Variants in SHLD2 observed in about 807,000 individuals in gnomAD.
The protein encoded by SHLD2 is RINN1-REV7-interacting novel NHEJ regulator 2.
Under a neutral mutation model 73.2 loss-of-function variants are expected in SHLD2, and 30 were observed. The ratio of observed to expected loss-of-function variants is 0.41; its 90% CI spans 0.31 to 0.56. SHLD2 has a LOEUF of 0.56. SHLD2 is among the 20% of genes least tolerant of loss of function. The pLI is 0.28. For missense variants in SHLD2, 745 were observed against 1,055.9 expected (o/e 0.71, Z 4.08); for synonymous variants, 285 against 370.1 (o/e 0.77, Z 2.64).
At chr10:87,182,265 A>C (rs1404797490) in intron 8 of SHLD2, among the ~76,000 whole-genome samples, 1 of 152,212 alleles carries the variant, frequency 6.6e-6, no homozygotes, top group Non-Finnish European at 1.5e-5. Context: ...TTAGGAATCC[A>C]CGTATGTTCA....
chr10:87,190,358 C>T (rs960167395), intron 9 of SHLD2, 126 bp from the exon 10 acceptor site: 38 of 846,560 alleles, frequency 4.5e-5, no homozygotes, highest in African/African-American at 1.5e-4. Context: ...CGCTACTGGA[C>T]GGGAGGAGAA....
At chr10:87,148,981 G>C (rs573806851) in intron 2 of SHLD2, among the ~76,000 whole-genome samples, 1 of 150,560 alleles carries the variant, frequency 6.6e-6, no homozygotes, top group Non-Finnish European at 1.5e-5. Context: ...GCAACCTCCC[G>C]GGTTCAAGCG....
intron 2 of SHLD2, chr10:87,115,638 G>A (rs1171000993): frequency 6.6e-6 from 1 of 152,162 alleles, no homozygotes; most frequent in Admixed American, 6.6e-5. Flanking sequence ...ATATGAGGAA[G>A]TGGAGTGCAC....
At chr10:87,150,273 C>G (rs1159529596) in intron 2 of SHLD2, among the ~76,000 whole-genome samples, 1 of 151,580 alleles carries the variant, frequency 6.6e-6, no homozygotes, top group Non-Finnish European at 1.5e-5. Context: ...CCATCTTGGC[C>G]TGGCTGGTCT....
chr10:87,178,213 G>A (rs1209942706), intron 7 of SHLD2, among the ~76,000 whole-genome samples: 16 of 117,158 alleles, frequency 1.4e-4, no homozygotes, highest in African/African-American at 5.1e-4. Context: ...TGCAGACTGG[G>A]TAACAGAGCA....
chr10:87,180,866 T>C (rs1329440544), intron 8 of SHLD2, among the ~76,000 whole-genome samples: 9 of 152,214 alleles, frequency 5.9e-5, no homozygotes. Context: ...AAAATAGCAC[T>C]CAGTGTTTTA....
Position 87,190,597 on chromosome 10 carries a change from G to A in SHLD2, c.2629G>A (p.Glu877Lys). ...GATTCAGAGCCTTTTTGTGTTAGAT[G>A]AAAACAGCTATCCATTACAACAAGA... is the stretch of plus-strand genomic sequence containing the variant. ...LKIQSLFVLD[E>K]NSYPLQQDFS... The change falls in exon 10 of 10, where the codon GAA becomes AAA. Residue 877 changes from glutamate (E) to lysine (K), a missense_variant. Glu to Lys is a moderately conservative substitution (Grantham distance 56, BLOSUM62 1). Coordinates refer to ENST00000298786, the MANE Select transcript of SHLD2 (RefSeq NM_001330112.2). 6.2e-7 allele frequency: 1 copy of A among 1,611,872 alleles called. No homozygotes were observed. The highest frequency in any genetic ancestry group is 8.5e-7 in the Non-Finnish European group (1 of 1,179,784).
At chr10:87,102,798 G>T (rs984163776) in intron 2 of SHLD2, among the ~76,000 whole-genome samples, 3 of 152,134 alleles carry the variant, frequency 2.0e-5, no homozygotes, top group African/African-American at 7.2e-5. Context: ...CGATTCTCCT[G>T]CCTTGGCCTC....
Position 87,099,345 on chromosome 10 carries a change from A to G in SHLD2, c.-6+2356A>G, listed in dbSNP as rs374488695. Among the ~76,000 whole-genome samples, 5 of 152,360 alleles carry G rather than the reference A, an allele frequency of 3.3e-5. No individual in the cohort carries two copies. The East Asian group carries it at 9.6e-4, about 29-fold the overall frequency. ...TCATTTTTAAAAATAATTTAATTTG[A>G]AAGGTAAAAATATACTTTCTACTTT... is the stretch of plus-strand genomic sequence containing the variant. On this transcript the variant is annotated intron_variant, in intron 2 of 9. Coordinates refer to ENST00000298786, the MANE Select transcript of SHLD2 (RefSeq NM_001330112.2).
intron 2 of SHLD2, among the ~76,000 whole-genome samples, chr10:87,133,509 C>CA (rs1416920587): frequency 1.3e-5 from 2 of 151,788 alleles, no homozygotes; most frequent in Non-Finnish European, 2.9e-5. Context: ...GGGTCATTTT[C>CA]AAAAAAAGAT....
intron 2 of SHLD2, among the ~76,000 whole-genome samples, chr10:87,146,955 C>G (rs1248139361): frequency 1.3e-5 from 2 of 149,098 alleles, no homozygotes; most frequent in African/African-American, 5.0e-5. Context: ...ACTTGGGAGG[C>G]TGAGGCAGGA....
chr10:87,111,954 C>T (rs1012830930), intron 2 of SHLD2, among the ~76,000 whole-genome samples: 1 of 151,728 alleles, frequency 6.6e-6, no homozygotes, highest in Non-Finnish European at 1.5e-5. Context: ...AAACAATGGG[C>T]AGGCCAGGTG....
chr10:87,179,444 C>T (rs1258622831), intron 7 of SHLD2, among the ~76,000 whole-genome samples: 3 of 151,864 alleles, frequency 2.0e-5, no homozygotes, highest in Admixed American at 1.3e-4. Context: ...CTCTTTCGCC[C>T]AGGCCGGAGT....
chr10:87,152,384 A>G lies in SHLD2; in HGVS notation c.1030A>G (p.Ser344Gly). ...ACATACAGGATCTCAAGAACTTTTC[A>G]GTTCTGAAGATGAACTGCCACCAAA... ...EEHTGSQELF[S>G]SEDELPPNEI... Residue 344 changes from serine (S) to glycine (G), a missense_variant, in exon 3 of 10, where the codon AGT becomes GGT. Physicochemically the swap from Ser to Gly is moderately conservative, Grantham distance 56. Coordinates refer to ENST00000298786, the MANE Select transcript of SHLD2 (RefSeq NM_001330112.2). 5 of 1,565,816 alleles carry G rather than the reference A, an allele frequency of 3.2e-6. No individual in the cohort carries two copies. In the South Asian group the frequency reaches 5.7e-5, roughly 18 times the overall value.
At chr10:87,144,221 G>T (rs1248613837) in intron 2 of SHLD2, among the ~76,000 whole-genome samples, 1 of 152,070 alleles carries the variant, frequency 6.6e-6, no homozygotes, top group South Asian at 2.1e-4. Flanking sequence ...CTGTTTGAGT[G>T]CTTGGACTTT....
chr10:87,166,054 C>T (rs1847175113), intron 4 of SHLD2, among the ~76,000 whole-genome samples: 1 of 152,068 alleles, frequency 6.6e-6, no homozygotes. Flanking sequence ...AAACCCAGAA[C>T]AATTATCATC....
In SHLD2 at chr10:87,096,954, G is replaced by C. The variant is rs1025704375; in HGVS notation, c.-41G>C. ...TTCAGTGAAAAATGTACTCTGACCT[G>C]AATCCTGAATTTTCCTTGATGGTCA... On this transcript the variant is annotated 5_prime_UTR_variant, in exon 2 of 10. Coordinates refer to ENST00000298786, the MANE Select transcript of SHLD2 (RefSeq NM_001330112.2). 1 of 152,118 alleles carries C rather than the reference G, an allele frequency of 6.6e-6. No homozygotes were observed. Among genetic ancestry groups the C allele is most frequent in the Non-Finnish European group, 1.5e-5 (1 of 68,026 alleles). 9.4% of individuals were successfully genotyped at this position (152,118 alleles called of 1,614,324 possible). A position where few individuals can be genotyped will look rare whatever the true frequency, so the allele number is the denominator to read the frequency against.
At chr10:87,144,467 A>G (rs1845429197) in intron 2 of SHLD2, among the ~76,000 whole-genome samples, 1 of 152,174 alleles carries the variant, frequency 6.6e-6, no homozygotes, top group Admixed American at 6.5e-5. Context: ...AGTGGCTATT[A>G]CTTTGAGATA....
chr10:87,165,013 C>T (rs1267367961), intron 4 of SHLD2, among the ~76,000 whole-genome samples: 1 of 151,904 alleles, frequency 6.6e-6, no homozygotes, highest in Non-Finnish European at 1.5e-5. Context: ...ATGGCAAAAC[C>T]CCGTCTCTAC....
Sources: gnomAD v4.1 joint callset for allele counts (sites outside exome capture counted in the v4.1 genomes callset) on GRCh38, gnomAD v4.1.1 for gene constraint, MANE v1.5 for transcripts, NCBI Gene and HGNC (gene_info 2026-07-23, HGNC 2026-07-21) for gene names.